HS3ST4: variants seen among roughly 807,000 people sequenced by gnomAD.
The protein encoded by HS3ST4 is heparan sulfate glucosamine 3-O-sulfotransferase 4.
Under a neutral mutation model 29.2 loss-of-function variants are expected in HS3ST4, and 17 were observed. That is an observed-to-expected ratio of 0.58 (90% CI 0.40 to 0.87). The LOEUF (loss-of-function observed/expected upper bound fraction) is 0.87, where lower values mean the gene tolerates loss of function less well. Among genes scored for constraint, HS3ST4 ranks in the 40% least tolerant of loss-of-function variants. The probability of loss-of-function intolerance (pLI) is 0.00; values close to 1 mark genes in which losing one functional copy is unlikely to be tolerated. For synonymous variants in HS3ST4, 314 were observed against 285.7 expected (o/e 1.10, Z -1.00); for missense variants, 627 against 634.5 (o/e 0.99, Z 0.13).
rs140184989 is a variant in HS3ST4, at chr16:26,096,149, G to A, written c.735-39463G>A. On this transcript the variant is annotated intron_variant, in intron 1 of 1. Coordinates refer to ENST00000331351, the MANE Select transcript of HS3ST4 (RefSeq NM_006040.3). ...TCCAGGACCAGACAGATTCACAGCC[G>A]AATACTACCAGAGGTACAAAGAGGA... Among the ~76,000 whole-genome samples, 770 of 152,200 alleles carry A rather than the reference G, an allele frequency of 5.1e-3. 20 individuals are homozygous for A. Among genetic ancestry groups the A allele is most frequent in the Middle Eastern group, 3.4e-3 (1 of 294 alleles).
chr16:25,897,859 C>T (rs115410248), intron 1 of HS3ST4, among the ~76,000 whole-genome samples: 132 of 152,280 alleles, frequency 8.7e-4, no homozygotes, highest in African/African-American at 2.4e-3. Context: ...GCTTTCCCCC[C>T]GCCCCCTTTC....
At chr16:25,772,687 G>T (rs1174081158) in intron 1 of HS3ST4, among the ~76,000 whole-genome samples, 3 of 152,158 alleles carry the variant, frequency 2.0e-5, no homozygotes, top group Non-Finnish European at 4.4e-5. Flanking sequence ...ATGTCTATAG[G>T]ATTCTAGAAA....
chr16:25,791,146 C>G (rs1329051035), intron 1 of HS3ST4, among the ~76,000 whole-genome samples: 1 of 151,756 alleles, frequency 6.6e-6, no homozygotes, highest in Non-Finnish European at 1.5e-5. Context: ...ATTAAAAATC[C>G]ACTTTCCCCG....
At chr16:25,882,429 A>C (rs530478967) in intron 1 of HS3ST4, among the ~76,000 whole-genome samples, 1 of 152,160 alleles carries the variant, frequency 6.6e-6, no homozygotes, top group Non-Finnish European at 1.5e-5. Flanking sequence ...GCAGGGGAGC[A>C]GAGGGCTATG....
chr16:26,094,386 G>C (rs1898897646), intron 1 of HS3ST4, among the ~76,000 whole-genome samples: 1 of 152,204 alleles, frequency 6.6e-6, no homozygotes, highest in Admixed American at 6.5e-5. Flanking sequence ...TACCCACAAA[G>C]GGAAGCCCAT....
chr16:26,113,179 T>C (rs925239872), intron 1 of HS3ST4, among the ~76,000 whole-genome samples: 1 of 152,130 alleles, frequency 6.6e-6, no homozygotes. Flanking sequence ...AAGCAGAACA[T>C]TATGCCATTT....
intron 1 of HS3ST4, among the ~76,000 whole-genome samples, chr16:25,889,455 CTTAGCAACA>C (rs1324426466): frequency 6.6e-6 from 1 of 152,098 alleles, no homozygotes; most frequent in African/African-American, 2.4e-5. Context: ...CTAAATGTTT[CTTAGCAACA>C]TTTAGACACA....
At chr16:25,904,251 G>T (rs551261933) in intron 1 of HS3ST4, among the ~76,000 whole-genome samples, 2 of 152,202 alleles carry the variant, frequency 1.3e-5, no homozygotes, top group African/African-American at 4.8e-5. Context: ...TGGATGGATG[G>T]AAGAATGGAT....
chr16:26,072,766 G>A (rs1898616384), intron 1 of HS3ST4, among the ~76,000 whole-genome samples: 1 of 152,112 alleles, frequency 6.6e-6, no homozygotes, highest in South Asian at 2.1e-4. Context: ...GCTTTGTCCT[G>A]TAACTTTTCC....
chr16:25,789,297 T>G (rs1342949507), intron 1 of HS3ST4, among the ~76,000 whole-genome samples: 1 of 151,026 alleles, frequency 6.6e-6, no homozygotes, highest in Non-Finnish European at 1.5e-5. Flanking sequence ...CCATCTCCTC[T>G]TCTTTCTTTC....
chr16:26,058,874 TGAC>T (rs934341366), intron 1 of HS3ST4, among the ~76,000 whole-genome samples: 9 of 152,160 alleles, frequency 5.9e-5, no homozygotes, highest in African/African-American at 1.9e-4. Flanking sequence ...CCTGGTGTCC[TGAC>T]GATCAGTTCA....
intron 1 of HS3ST4, among the ~76,000 whole-genome samples, chr16:25,751,152 G>C (rs1426085072): frequency 6.6e-6 from 1 of 152,208 alleles, no homozygotes; most frequent in Non-Finnish European, 1.5e-5. Context: ...TTGCAGGAGA[G>C]AGCAGTTGCG....
At chr16:25,902,085 C>T (rs111589546) in intron 1 of HS3ST4, among the ~76,000 whole-genome samples, 12,178 of 152,226 alleles carry the variant, frequency 0.08, 669 homozygotes, top group Non-Finnish European at 0.11. Flanking sequence ...TGCATTTCCC[C>T]ATTTCTTCCT....
chr16:25,906,434 T>G (rs1968181362), intron 1 of HS3ST4, among the ~76,000 whole-genome samples: 3 of 152,188 alleles, frequency 2.0e-5, no homozygotes, highest in Admixed American at 2.0e-4. Context: ...AAATAATATT[T>G]TAAATGCTTA....
At chr16:26,058,398 G>T (rs116693141) in intron 1 of HS3ST4, among the ~76,000 whole-genome samples, 1 of 152,168 alleles carries the variant, frequency 6.6e-6, no homozygotes, top group Non-Finnish European at 1.5e-5. Context: ...TGACTTAAAT[G>T]TGGGCTTTGG....
chr16:25,974,849 A>G (rs1449447232), intron 1 of HS3ST4, among the ~76,000 whole-genome samples: 2 of 152,198 alleles, frequency 1.3e-5, no homozygotes, highest in Non-Finnish European at 2.9e-5. Context: ...GCATTGACAT[A>G]TTCCAAATTA....
intron 1 of HS3ST4, among the ~76,000 whole-genome samples, chr16:26,099,327 A>G (rs1180095415): frequency 1.3e-5 from 2 of 152,078 alleles, no homozygotes; most frequent in Non-Finnish European, 2.9e-5. Context: ...ACTAATTTTC[A>G]AAAATTTTTG....
At chr16:26,090,204 A>C (rs941961800) in intron 1 of HS3ST4, among the ~76,000 whole-genome samples, 2 of 152,030 alleles carry the variant, frequency 1.3e-5, no homozygotes, top group Non-Finnish European at 2.9e-5. Flanking sequence ...TCCCAAGATT[A>C]CACAACTGAA....
intron 1 of HS3ST4, among the ~76,000 whole-genome samples, chr16:26,015,170 A>G (rs1360479242): frequency 6.6e-6 from 1 of 152,226 alleles, no homozygotes; most frequent in African/African-American, 2.4e-5. Flanking sequence ...GGGGGCCCTC[A>G]ACCCCATCCT....
Sources: gnomAD v4.1 joint callset for allele counts (sites outside exome capture counted in the v4.1 genomes callset) on GRCh38, gnomAD v4.1.1 for gene constraint, MANE v1.5 for transcripts, NCBI Gene and HGNC (gene_info 2026-07-23, HGNC 2026-07-21) for gene names.